The following RCAN1 variants were observed in gnomAD, a reference collection of about 807,000 sequenced individuals.
The protein encoded by RCAN1 is regulator of calcineurin 1.
RCAN1 carries 11 observed loss-of-function variants against 22.9 expected under a neutral mutation model. That is an observed-to-expected ratio of 0.48 (90% CI 0.30 to 0.79). RCAN1 has a LOEUF of 0.79. RCAN1 is among the 30% of genes least tolerant of loss of function. RCAN1 has a pLI of 0.06. For missense variants in RCAN1, 291 were observed against 337.8 expected (o/e 0.86, Z 1.09); for synonymous variants, 136 against 142.3 (o/e 0.96, Z 0.32).
At chr21:34,528,809 C>T (rs1232774752) in intron 1 of RCAN1, among the ~76,000 whole-genome samples, 1 of 152,174 alleles carries the variant, frequency 6.6e-6, no homozygotes, top group Non-Finnish European at 1.5e-5. Context: ...ACACAAGAGG[C>T]TGATTTCACT....
intron 1 of RCAN1, among the ~76,000 whole-genome samples, chr21:34,580,843 C>T (rs1987580309): frequency 6.6e-6 from 1 of 152,194 alleles, no homozygotes; most frequent in Admixed American, 6.5e-5. Flanking sequence ...CCTGGCCTTG[C>T]AAACTTTCTA....
intron 1 of RCAN1, among the ~76,000 whole-genome samples, chr21:34,597,815 A>AAGGCTTTAGC (rs535747551): frequency 2.5e-3 from 388 of 152,334 alleles, no homozygotes; most frequent in African/African-American, 8.8e-3. Flanking sequence ...GAAATAGTCA[A>AAGGCTTTAGC]AGGCTTTAGC....
intron 1 of RCAN1, among the ~76,000 whole-genome samples, chr21:34,569,687 G>C (rs1987168303): frequency 6.6e-6 from 1 of 152,210 alleles, no homozygotes. Flanking sequence ...GAAGGAAAAA[G>C]CGACTCACAA....
At chr21:34,608,127 T>C (rs896434093) in intron 1 of RCAN1, among the ~76,000 whole-genome samples, 98 of 152,302 alleles carry the variant, frequency 6.4e-4, no homozygotes, top group African/African-American at 2.1e-3. Context: ...TGGTGAGTTG[T>C]ATAATTATTT....
chr21:34,525,198 T>G, intron 1 of RCAN1: 1 of 1,550,582 alleles, frequency 6.4e-7, no homozygotes, highest in South Asian at 1.2e-5. Context: ...GGGGAGGCAC[T>G]GGTGGATGCC....
intron 1 of RCAN1, among the ~76,000 whole-genome samples, chr21:34,534,504 C>T (rs9976520): frequency 0.36 from 54,975 of 151,626 alleles, 11,029 homozygotes; most frequent in African/African-American, 0.55. Context: ...GAGGACAATG[C>T]AGCTTATTCT....
At chr21:34,594,229 G>A (rs1014125558) in intron 1 of RCAN1, among the ~76,000 whole-genome samples, 1 of 152,134 alleles carries the variant, frequency 6.6e-6, no homozygotes, top group African/African-American at 2.4e-5. Flanking sequence ...TGTAGTCAGG[G>A]ACATAGCTGA....
intron 1 of RCAN1, among the ~76,000 whole-genome samples, chr21:34,587,814 A>G (rs1265792623): frequency 1.3e-5 from 2 of 152,124 alleles, no homozygotes; most frequent in Admixed American, 6.5e-5. Context: ...ATGGACAAAC[A>G]TTATTCTGGA....
intron 1 of RCAN1, among the ~76,000 whole-genome samples, chr21:34,594,625 C>G (rs1218511802): frequency 6.6e-6 from 1 of 152,172 alleles, no homozygotes; most frequent in Non-Finnish European, 1.5e-5. Context: ...GCCCCTAAGT[C>G]AGTTACTTGC....
At chr21:34,562,300 C>G (rs1482380693) in intron 1 of RCAN1, among the ~76,000 whole-genome samples, 3 of 151,442 alleles carry the variant, frequency 2.0e-5, no homozygotes, top group African/African-American at 7.3e-5. Flanking sequence ...ATCAAACACT[C>G]TATATTCCAT....
At chr21:34,556,453 T>TAATAATAATAATAAG (rs1986579761) in intron 1 of RCAN1, among the ~76,000 whole-genome samples, 1 of 150,292 alleles carries the variant, frequency 6.7e-6, no homozygotes, top group Non-Finnish European at 1.5e-5. Flanking sequence ...ATAATAATAA[T>TAATAATAATAATAAG]AATAATAGGT....
intron 1 of RCAN1, among the ~76,000 whole-genome samples, chr21:34,563,120 C>T (rs184036475): frequency 7.9e-5 from 12 of 152,278 alleles, no homozygotes; most frequent in Middle Eastern, 3.4e-3. Context: ...GAGACAAAGA[C>T]CCCAACTTGT....
intron 1 of RCAN1, among the ~76,000 whole-genome samples, chr21:34,569,436 T>C (rs370878377): frequency 2.6e-5 from 4 of 152,342 alleles, no homozygotes; most frequent in East Asian, 3.9e-4. Flanking sequence ...ATACAAATAC[T>C]AACAAACGCA....
intron 2 of RCAN1, among the ~76,000 whole-genome samples, chr21:34,523,300 C>A (rs1984737320): frequency 6.6e-6 from 1 of 152,186 alleles, no homozygotes; most frequent in African/African-American, 2.4e-5. Flanking sequence ...GGCTTTCTTT[C>A]CCCCATCATT....
chr21:34,536,536 T>C (rs372347447), intron 1 of RCAN1, among the ~76,000 whole-genome samples: 40 of 152,196 alleles, frequency 2.6e-4, no homozygotes, highest in African/African-American at 8.9e-4. Flanking sequence ...ACACGCAAAG[T>C]AGGAATTCTA....
chr21:34,598,594 A>C (rs550171380), intron 1 of RCAN1, among the ~76,000 whole-genome samples: 1 of 152,384 alleles, frequency 6.6e-6, no homozygotes, highest in East Asian at 1.9e-4. Flanking sequence ...TCTAGAAGAA[A>C]ACCTACTCCT....
At chr21:34,541,191 G>C (rs1985897408) in intron 1 of RCAN1, among the ~76,000 whole-genome samples, 5 of 152,192 alleles carry the variant, frequency 3.3e-5, no homozygotes, top group Admixed American at 3.3e-4. Flanking sequence ...CAGGATACTA[G>C]AAGTGGAGCG....
intron 1 of RCAN1, among the ~76,000 whole-genome samples, chr21:34,597,837 G>A (rs950934013): frequency 6.6e-5 from 10 of 151,950 alleles, no homozygotes; most frequent in African/African-American, 2.4e-4. Context: ...CAGGTGGTTG[G>A]TTACAAAATT....
At position 34,534,787 on chromosome 21, in the gene RCAN1, C is replaced by T. The variant is rs138683800; in HGVS notation, c.253-11077G>A. 1.0e-2 allele frequency among the ~76,000 whole-genome samples: 1,521 copies of T among 152,326 alleles called. 15 individuals are homozygous for T. The highest frequency in any genetic ancestry group is 0.016 in the Non-Finnish European group (1,073 of 68,030). Reference sequence around the variant, plus strand: ...GGGGAAGCACTGTGCTTGAGGGCCACATGTGTGCTCTGTGGGTGTCACATT... The same window carrying T: ...GGGGAAGCACTGTGCTTGAGGGCCATATGTGTGCTCTGTGGGTGTCACATT... On this transcript the variant is annotated intron_variant, in intron 1 of 3. Transcript: ENST00000313806.
Sources: gnomAD v4.1 joint callset for allele counts (sites outside exome capture counted in the v4.1 genomes callset) on GRCh38, gnomAD v4.1.1 for gene constraint, MANE v1.5 for transcripts, NCBI Gene and HGNC (gene_info 2026-07-23, HGNC 2026-07-21) for gene names.